Variants in ABLIM1 observed in about 807,000 individuals in gnomAD.
ABLIM1 encodes actin-binding LIM protein 1.
ABLIM1 carries 40 observed loss-of-function variants against 107.0 expected under a neutral mutation model. The ratio of observed to expected loss-of-function variants is 0.37; its 90% CI spans 0.29 to 0.49. The LOEUF is 0.49. ABLIM1 is among the 20% of genes least tolerant of loss of function. ABLIM1 has a pLI of 0.97. For missense variants in ABLIM1, 857 were observed against 1,008.5 expected (o/e 0.85, Z 2.04); for synonymous variants, 357 against 357.3 (o/e 1.00, Z 0.01).
chr10:114,497,956 C>A (rs1177238255), intron 6 of ABLIM1, among the ~76,000 whole-genome samples: 1 of 152,092 alleles, frequency 6.6e-6, no homozygotes, highest in Non-Finnish European at 1.5e-5. Flanking sequence ...GCATACAAAC[C>A]AGGATTCTGG....
intron 2 of ABLIM1, among the ~76,000 whole-genome samples, chr10:114,579,925 G>A (rs1399099101): frequency 6.6e-6 from 1 of 152,086 alleles, no homozygotes; most frequent in Non-Finnish European, 1.5e-5. Context: ...ATGTCATACT[G>A]GGGCATTGTT....
rs547727378 is a variant in ABLIM1, at chr10:114,434,087, T to C, written c.*2173A>G. The C allele has an allele frequency of 1.3e-5, 2 of 152,334 alleles. No individual in the cohort carries two copies. Among genetic ancestry groups the C allele is most frequent in the South Asian group, 4.1e-4 (2 of 4,830 alleles). The allele number at this position is 152,334 out of a possible 1,614,324, so 9.4% of individuals were successfully genotyped here. On this transcript the variant is annotated 3_prime_UTR_variant, in exon 23 of 23. Transcript: ENST00000533213. ...AAGCAAGGATGAGGACACCCAGGCATTGTGCCAAGGCTGCCATTGCAGGAG... is the reference window on the plus strand; with the variant it reads ...AAGCAAGGATGAGGACACCCAGGCACTGTGCCAAGGCTGCCATTGCAGGAG...
the ABLIM1 span, among the ~76,000 whole-genome samples, chr10:114,782,184 C>CA: frequency 3.3e-5 from 5 of 151,906 alleles, no homozygotes; most frequent in African/African-American, 9.7e-5. Flanking sequence ...AAAATAGTAG[C>CA]AAAAAAAATT....
chr10:114,511,188 A>T (rs2061807515), intron 6 of ABLIM1, among the ~76,000 whole-genome samples: 1 of 152,062 alleles, frequency 6.6e-6, no homozygotes, highest in Non-Finnish European at 1.5e-5. Context: ...TATAGAATCA[A>T]TTATACCTCA....
intron 4 of ABLIM1, among the ~76,000 whole-genome samples, chr10:114,551,300 C>T (rs922913083): frequency 6.6e-6 from 1 of 152,244 alleles, no homozygotes; most frequent in African/African-American, 2.4e-5. Context: ...AGTGCCCAGA[C>T]ATCCCAGAGC....
rs779355608 is a variant in ABLIM1, at chr10:114,473,908, T to C, written c.1090A>G (p.Ile364Val). ...ATAGTATGACCTGGTGAGCCAGGAA[T>C]ACTGGAGCCTGGCCTAGAATAAATA... ...ESIYSRPGSS[I>V]PGSPGHTIYA... Residue 364 changes from isoleucine (I) to valine (V), a missense_variant, in exon 9 of 23, where the codon ATT (isoleucine) becomes GTT (valine). By Grantham distance (29) the Ile-to-Val change is conservative. Transcript: ENST00000533213. 6 of 1,613,808 alleles carry C rather than the reference T, an allele frequency of 3.7e-6. No homozygotes were observed. In the Admixed American group the frequency reaches 1.0e-4, roughly 27 times the overall value.
upstream of ABLIM1, among the ~76,000 whole-genome samples, chr10:114,769,172 GAAAAAA>G (rs35691537): frequency 3.7e-4 from 17 of 46,516 alleles, no homozygotes; most frequent in East Asian, 3.6e-3. Context: ...TGTCTTCAAT[GAAAAAA>G]AAAAAAAAAA....
At chr10:114,649,409 A>G (rs2079146267) in intron 1 of ABLIM1, among the ~76,000 whole-genome samples, 1 of 23,282 alleles carries the variant, frequency 4.3e-5, no homozygotes, top group East Asian at 1.9e-3. Flanking sequence ...CAAAATAAAT[A>G]AATAAATAAA....
At chr10:114,476,374 G>T (rs111267630) in intron 8 of ABLIM1, among the ~76,000 whole-genome samples, 40,194 of 152,048 alleles carry the variant, frequency 0.26, 5,572 homozygotes, top group Middle Eastern at 0.32. Context: ...GGGCGCAGTG[G>T]CTCACACCTG....
Position 114,436,744 on chromosome 10 carries a change from C to T in ABLIM1, c.2224-371G>A, listed in dbSNP as rs1008897796. Among the ~76,000 whole-genome samples, 7 of 152,170 alleles carry T rather than the reference C, an allele frequency of 4.6e-5. No individual in the cohort carries two copies. In the East Asian group the frequency reaches 7.8e-4, roughly 17 times the overall value. On this transcript the variant is annotated intron_variant, in intron 22 of 22. Transcript: ENST00000533213. ...GAAAGCCAAAGAAAATGACCTCCAG[C>T]GTGGTCCCTGGGGAGCCCCAGGGCT...
In ABLIM1 at chr10:114,474,374, A is replaced by C. The variant is rs146431441; in HGVS notation, c.1042-418T>G. On this transcript the variant is annotated intron_variant, in intron 8 of 22. Transcript: ENST00000533213. ...ATCAAATCCACCTGGCAGGCAATGG[A>C]TAGAGAGACCTTTTTTTTTTTTTTG... is the stretch of plus-strand genomic sequence containing the variant. Among the ~76,000 whole-genome samples the C allele has an allele frequency of 2.6e-3, 379 of 145,096 alleles. 1 individual carries two copies. The highest frequency in any genetic ancestry group is 9.2e-3 in the African/African-American group (353 of 38,256).
intron 1 of ABLIM1, among the ~76,000 whole-genome samples, chr10:114,642,572 A>G (rs1221640154): frequency 1.3e-5 from 2 of 152,156 alleles, no homozygotes; most frequent in African/African-American, 4.8e-5. Context: ...ATGAAGAAAG[A>G]TTTTTTTAAA....
At chr10:114,617,973 C>T (rs1013350871) in intron 1 of ABLIM1, among the ~76,000 whole-genome samples, 7 of 152,094 alleles carry the variant, frequency 4.6e-5, no homozygotes, top group African/African-American at 1.7e-4. Flanking sequence ...GTTTAAAAAA[C>T]CCAAAGAAAC....
intron 1 of ABLIM1, among the ~76,000 whole-genome samples, chr10:114,704,302 C>CTCTCTCTCTA (rs1380460034): frequency 2.3e-5 from 1 of 43,090 alleles, no homozygotes; most frequent in East Asian, 4.4e-4. Flanking sequence ...CTCTCTCTCT[C>CTCTCTCTCTA]TATATATATA....
Position 114,498,260 on chromosome 10 carries a change from C to T in ABLIM1, c.895-6382G>A, listed in dbSNP as rs909273790. On this transcript the variant is annotated intron_variant, in intron 6 of 22. Transcript: ENST00000533213. ...TCTTCAGCTGTAAAATTCTATGTTT[C>T]GGTGTGAAATCCCATACCCTCTACA... Among the ~76,000 whole-genome samples, 11 of 152,274 alleles carry T rather than the reference C, an allele frequency of 7.2e-5. No individual in the cohort carries two copies. In the South Asian group the frequency reaches 2.1e-3, roughly 29 times the overall value.
intron 1 of ABLIM1, among the ~76,000 whole-genome samples, chr10:114,733,607 C>T (rs2082120608): frequency 6.6e-6 from 1 of 152,084 alleles, no homozygotes; most frequent in Non-Finnish European, 1.5e-5. Flanking sequence ...TTCTTCAGTA[C>T]CCAGGAACAC....
At chr10:114,497,393 T>C (rs2059809642) in intron 6 of ABLIM1, among the ~76,000 whole-genome samples, 1 of 152,240 alleles carries the variant, frequency 6.6e-6, no homozygotes, top group South Asian at 2.1e-4. Context: ...CACGTCCCCA[T>C]TTCTGGCCGG....
the ABLIM1 span, chr10:114,778,966 C>T: frequency 1.3e-5 from 2 of 152,150 alleles, no homozygotes; most frequent in African/African-American, 4.8e-5. Flanking sequence ...GAATGTCGGT[C>T]GAACTGTACT....
intron 6 of ABLIM1, among the ~76,000 whole-genome samples, chr10:114,515,385 A>T (rs1324022645): frequency 1.3e-5 from 2 of 152,140 alleles, no homozygotes; most frequent in African/African-American, 4.8e-5. Flanking sequence ...GGACTTCAGG[A>T]TGTGAGCTGG....
Sources: allele counts gnomAD v4.1 joint callset (sites outside exome capture counted in the v4.1 genomes callset), GRCh38; gene constraint gnomAD v4.1.1; transcripts MANE v1.5; gene names NCBI Gene and HGNC (gene_info 2026-07-23, HGNC 2026-07-21).